The following SUPT3H variants were observed in gnomAD, a reference collection of about 807,000 sequenced individuals.
SUPT3H encodes the protein SPT3 homolog, SAGA and STAGA complex component, also known as transcription initiation protein SPT3 homolog.
Under a neutral mutation model 44.3 loss-of-function variants are expected in SUPT3H, and 44 were observed. The ratio of observed to expected loss-of-function variants is 0.99; its 90% CI spans 0.78 to 1.28. The LOEUF (loss-of-function observed/expected upper bound fraction) is 1.28. SUPT3H is among the 50% of genes most tolerant of loss of function. The pLI, the probability that SUPT3H is intolerant of heterozygous loss-of-function variation, is 0.00. For missense variants in SUPT3H, 380 were observed against 387.1 expected, an observed-to-expected ratio of 0.98 and a Z score of 0.15; for synonymous variants, 124 against 125.6, an observed-to-expected ratio of 0.99 and a Z score of 0.09.
intron 10 of SUPT3H, among the ~76,000 whole-genome samples, chr6:44,843,964 C>A (rs1771454542): frequency 6.8e-6 from 1 of 148,104 alleles, no homozygotes; most frequent in African/African-American, 2.5e-5. Flanking sequence ...CACACATGCA[C>A]AGAAAAAGAA....
intron 2 of SUPT3H, among the ~76,000 whole-genome samples, chr6:45,183,289 TA>T (rs1211096910): frequency 6.6e-6 from 1 of 152,150 alleles, no homozygotes; most frequent in African/African-American, 2.4e-5. Context: ...CAAAGTAAGT[TA>T]GTGGTTACCA....
At chr6:44,987,031 G>A (rs999631865) in intron 6 of SUPT3H, among the ~76,000 whole-genome samples, 1 of 152,084 alleles carries the variant, frequency 6.6e-6, no homozygotes, top group East Asian at 1.9e-4. Context: ...GGTTCTGAAG[G>A]CTAGAGGTTC....
At chr6:45,108,860 A>G (rs1295657208) in intron 2 of SUPT3H, among the ~76,000 whole-genome samples, 1 of 152,100 alleles carries the variant, frequency 6.6e-6, no homozygotes, top group Non-Finnish European at 1.5e-5. Flanking sequence ...TAAAACTATA[A>G]AAGTATTGGA....
chr6:44,962,222 G>A (rs576256637), intron 6 of SUPT3H, among the ~76,000 whole-genome samples: 2 of 152,276 alleles, frequency 1.3e-5, no homozygotes, highest in South Asian at 4.1e-4. Context: ...AAGAATCAGT[G>A]AATGGAATCC....
chr6:45,204,413 T>C (rs184760306), intron 2 of SUPT3H, among the ~76,000 whole-genome samples: 3 of 152,162 alleles, frequency 2.0e-5, no homozygotes, highest in Admixed American at 1.3e-4. Flanking sequence ...ACACAGGTTA[T>C]CACAGACAAG....
chr6:44,997,211 T>A (rs1026904043), intron 6 of SUPT3H, among the ~76,000 whole-genome samples: 1 of 151,830 alleles, frequency 6.6e-6, no homozygotes, highest in African/African-American at 2.4e-5. Context: ...TTTTAAATCC[T>A]GCTGAGATTT....
At chr6:45,348,845 T>A (rs1197687146) in intron 2 of SUPT3H, among the ~76,000 whole-genome samples, 2 of 152,208 alleles carry the variant, frequency 1.3e-5, no homozygotes, top group African/African-American at 4.8e-5. Flanking sequence ...ATGTTTCAGC[T>A]TAAATGAACT....
At chr6:45,284,759 C>T (rs188103884) in intron 2 of SUPT3H, among the ~76,000 whole-genome samples, 2 of 152,132 alleles carry the variant, frequency 1.3e-5, no homozygotes, top group Non-Finnish European at 2.9e-5. Flanking sequence ...CCAGCATCAT[C>T]CTGATACCAA....
chr6:45,165,822 TGAAA>T (rs567747358), intron 2 of SUPT3H, among the ~76,000 whole-genome samples: 104 of 151,388 alleles, frequency 6.9e-4, no homozygotes, highest in African/African-American at 2.4e-3. Context: ...AAAAAAAGAC[TGAAA>T]GAAAGGGAAC....
At chr6:44,933,351 C>A (rs886726668) in intron 9 of SUPT3H, among the ~76,000 whole-genome samples, 1 of 152,022 alleles carries the variant, frequency 6.6e-6, no homozygotes, top group Non-Finnish European at 1.5e-5. Flanking sequence ...GGCAGGTTTG[C>A]AAGCACAAAA....
chr6:44,889,091 A>G (rs918205895), intron 10 of SUPT3H, among the ~76,000 whole-genome samples: 5 of 151,790 alleles, frequency 3.3e-5, no homozygotes, highest in African/African-American at 1.2e-4. Context: ...GGAGAACTAC[A>G]AACCACTGCT....
At chr6:45,057,276 C>A (rs1300531468) in intron 3 of SUPT3H, among the ~76,000 whole-genome samples, 2 of 151,902 alleles carry the variant, frequency 1.3e-5, no homozygotes, top group Non-Finnish European at 2.9e-5. Flanking sequence ...GATAATGGTA[C>A]CATATTTTAT....
intron 3 of SUPT3H, among the ~76,000 whole-genome samples, chr6:45,058,379 T>C (rs750183814): frequency 7.2e-5 from 11 of 152,170 alleles, no homozygotes; most frequent in Non-Finnish European, 1.5e-4. Flanking sequence ...ATTCACTATT[T>C]AAACTCTTAT....
chr6:44,844,710 C>T (rs985710219), intron 10 of SUPT3H, among the ~76,000 whole-genome samples: 1 of 152,128 alleles, frequency 6.6e-6, no homozygotes, highest in Admixed American at 6.6e-5. Flanking sequence ...TCAGAAAACA[C>T]ATCAGTGATT....
chr6:44,840,621 T>C (rs547335023), intron 10 of SUPT3H, among the ~76,000 whole-genome samples: 4 of 152,236 alleles, frequency 2.6e-5, no homozygotes, highest in Admixed American at 6.5e-5. Flanking sequence ...CAAAGGTCTG[T>C]GAAAGAGTGG....
intron 2 of SUPT3H, among the ~76,000 whole-genome samples, chr6:45,243,006 C>G (rs1770647946): frequency 6.6e-6 from 1 of 151,832 alleles, no homozygotes; most frequent in Admixed American, 6.6e-5. Context: ...CCAGCCTAAC[C>G]AACATGGTGA....
intron 3 of SUPT3H, among the ~76,000 whole-genome samples, chr6:45,055,545 A>G (rs908957673): frequency 1.6e-4 from 24 of 152,188 alleles, no homozygotes; most frequent in African/African-American, 5.3e-4. Context: ...GATCTTCGAC[A>G]AAACAAACAA....
intron 5 of SUPT3H, among the ~76,000 whole-genome samples, chr6:45,007,807 AT>A (rs1251957083): frequency 6.8e-6 from 1 of 147,390 alleles, no homozygotes; most frequent in Non-Finnish European, 1.5e-5. Flanking sequence ...TGAGTGGAGG[AT>A]TTTAATGGGA....
chr6:44,813,452 A>G (rs2153403194), intron 11 of SUPT3H, among the ~76,000 whole-genome samples: 1 of 152,218 alleles, frequency 6.6e-6, no homozygotes, highest in Non-Finnish European at 1.5e-5. Context: ...GGCCTCCCAA[A>G]GTGGTGAGAT....
Sources: allele counts gnomAD v4.1 joint callset (sites outside exome capture counted in the v4.1 genomes callset), GRCh38; gene constraint gnomAD v4.1.1; transcripts MANE v1.5; gene names NCBI Gene and HGNC (gene_info 2026-07-23, HGNC 2026-07-21).